The following SCART1 variants were observed in gnomAD, a reference collection of about 807,000 sequenced individuals.
SCART1 encodes scavenger receptor cysteine-rich domain-containing protein SCART1.
In SCART1, 62 loss-of-function variants were observed where a neutral mutation model predicts 36.2. That is an observed-to-expected ratio of 1.71 (90% CI 1.40 to 2.12). The LOEUF is 2.12. Among genes scored for constraint, SCART1 ranks in the 30% most tolerant of loss-of-function variants. The pLI is 0.00. For missense variants in SCART1, 1,041 were observed against 540.5 expected (o/e 1.93, Z -9.18); for synonymous variants, 487 against 238.7 (o/e 2.04, Z -9.59).
chr10:133,468,116 GCCCTGCCTGGCTCTAAACCTCATC>G, exon 12 of SCART1: 1 of 552,434 alleles, frequency 1.8e-6, no homozygotes, highest in Non-Finnish European at 3.3e-6. Context: ...GTCCTTCCAG[GCCCTGCCTGGCTCTAAACCTCATC>G]CCCTTCGAGG....
chr10:133,465,513 G>C (rs1850755269), exon 9 of SCART1: 2 of 523,414 alleles, frequency 3.8e-6, no homozygotes, highest in Admixed American at 8.1e-5. Context: ...CTGCGGAGCG[G>C]TGGGGACGCG....
At chr10:133,465,498 C>G (rs1278784204) in exon 9 of SCART1, 1 of 523,630 alleles carries the variant, frequency 1.9e-6, no homozygotes, top group Non-Finnish European at 3.3e-6. Context: ...CCCTGTGGGG[C>G]TGCCCTGCGG....
rs767937058 is a variant in SCART1 at position 133,465,249 on chromosome 10, A to C, written c.2345-2A>C. On this transcript the variant is annotated splice_acceptor_variant, in intron 8 of 11. Coordinates refer to ENST00000640237, the Ensembl canonical transcript of SCART1. LOFTEE classifies it high-confidence loss of function. ...CCGCAGTGACCGCAGCCCCTTTTGCAGAGGAGGGCGCACTGCGCGTGCGCG... is the reference window on the plus strand; with the variant it reads ...CCGCAGTGACCGCAGCCCCTTTTGCCGAGGAGGGCGCACTGCGCGTGCGCG... 2.2e-5 allele frequency: 15 copies of C among 696,822 alleles called. No homozygotes were observed. Among genetic ancestry groups the C allele is most frequent in the African/African-American group, 3.5e-5 (2 of 57,110 alleles). 43.2% of individuals were successfully genotyped at this position (696,822 alleles called of 1,614,324 possible).
exon 7 of SCART1, chr10:133,464,745 G>T (rs1453829240): frequency 5.6e-6 from 3 of 536,668 alleles, no homozygotes; most frequent in Non-Finnish European, 9.3e-6. Flanking sequence ...AGCAGCTGGG[G>T]TGTGGGGTGT....
chr10:133,457,302 C>G (rs1192882702), exon 3 of SCART1: 1 of 700,702 alleles, frequency 1.4e-6, no homozygotes, highest in Non-Finnish European at 2.6e-6. Context: ...GGAGCTCCGG[C>G]TGGTGAAGGG....
In SCART1 at chr10:133,457,697, A is replaced by G. The variant is rs1377153951; in HGVS notation, c.682+122A>G. Reference sequence around the variant, plus strand: ...TGGGCCCCCCTGTCCTGCATGAGACATTGGGCGCAGAGGTGGGAAAGGGCC... The same window carrying G: ...TGGGCCCCCCTGTCCTGCATGAGACGTTGGGCGCAGAGGTGGGAAAGGGCC... On this transcript the variant is annotated intron_variant, in intron 3 of 11. Transcript: ENST00000640237. The G allele has an allele frequency of 6.9e-6, 4 of 575,904 alleles. No individual in the cohort carries two copies. The African/African-American group carries it at 7.6e-5, about 11-fold the overall frequency. The allele number at this position is 575,904 out of a possible 1,614,324, so 35.7% of individuals were successfully genotyped here. A position where few individuals can be genotyped will look rare whatever the true frequency, so the allele number is the denominator to read the frequency against.
intron 8 of SCART1, 24 bp downstream of exon 8, chr10:133,465,198 T>C (rs1307257884): frequency 1.4e-6 from 1 of 702,726 alleles, no homozygotes; most frequent in African/African-American, 1.7e-5. Flanking sequence ...CTTGTCGCTG[T>C]CCTCCTTCCC....
exon 5 of SCART1, chr10:133,459,081 G>A: frequency 1.4e-6 from 1 of 702,276 alleles, no homozygotes; most frequent in Non-Finnish European, 2.6e-6. Context: ...CAGGTGCAGG[G>A]GTCCTGGGCA....
exon 4 of SCART1, chr10:133,458,564 G>A (rs1433019490): frequency 2.9e-5 from 20 of 685,748 alleles, no homozygotes; most frequent in Non-Finnish European, 4.7e-5. Flanking sequence ...GAGGCCTTCC[G>A]CTGTGCGGGC....
chr10:133,459,510 A>G (rs373621257), exon 6 of SCART1: 4 of 654,878 alleles, frequency 6.1e-6, no homozygotes, highest in Non-Finnish European at 1.1e-5. Context: ...CCTGCGACTG[A>G]GGGAAGGACA....
rs1471861377 is a variant in SCART1 at position 133,459,975 on chromosome 10, G to A, written c.1774G>A (p.Val592Met). ...TGCCTGGGACCTGCGGGACGCGCACGTGGTCTGCAGGCAGCTGGGCTGTGG... is the reference window on the plus strand; with the variant it reads ...TGCCTGGGACCTGCGGGACGCGCACATGGTCTGCAGGCAGCTGGGCTGTGG... The change falls in exon 6 of 12, where the codon GTG becomes ATG. Residue 592 changes from valine to methionine, a missense_variant. Transcript: ENST00000640237. The A allele has an allele frequency of 1.8e-5, 10 of 546,224 alleles. No individual in the cohort carries two copies. The South Asian group carries it at 2.4e-4, about 13-fold the overall frequency. 33.8% of individuals were successfully genotyped at this position (546,224 alleles called of 1,614,324 possible). A position where few individuals can be genotyped will look rare whatever the true frequency, so the allele number is the denominator to read the frequency against.
exon 9 of SCART1, chr10:133,465,497 G>A: frequency 7.6e-6 from 4 of 524,354 alleles, no homozygotes; most frequent in East Asian, 3.4e-5. Context: ...TCCCTGTGGG[G>A]CTGCCCTGCG....
chr10:133,464,936 C>T lies in SCART1; in HGVS notation c.2275+25C>T, dbSNP rs1297395341. Reference sequence around the variant, plus strand: ...GGTCTGGATTACCTGTGCAGGTGGGCATTAGAGGTCTCTGGGGGTGCCTGG... The same window carrying T: ...GGTCTGGATTACCTGTGCAGGTGGGTATTAGAGGTCTCTGGGGGTGCCTGG... On this transcript the variant is annotated intron_variant, in intron 7 of 11. Transcript: ENST00000640237. 8 of 702,802 alleles carry T rather than the reference C, an allele frequency of 1.1e-5. No individual in the cohort carries two copies. In the East Asian group the frequency reaches 2.1e-4, roughly 19 times the overall value. The allele number at this position is 702,802 out of a possible 1,614,324, so 43.5% of individuals were successfully genotyped here.
exon 9 of SCART1, chr10:133,465,299 G>T (rs1021940619): frequency 1.5e-6 from 1 of 684,414 alleles, no homozygotes; most frequent in East Asian, 2.7e-5. Flanking sequence ...TGCTCCGGGC[G>T]CGTGGAGCTC....
chr10:133,459,697 G>A (rs1003533675), exon 6 of SCART1: 21 of 700,098 alleles, frequency 3.0e-5, no homozygotes, highest in Non-Finnish European at 5.2e-5. Context: ...GTGGCGCTGA[G>A]CCGCGTGCGC....
exon 2 of SCART1, chr10:133,456,399 C>G (rs779879897): frequency 1.4e-6 from 1 of 702,878 alleles, no homozygotes; most frequent in Non-Finnish European, 2.6e-6. Context: ...GCCGTGGGCG[C>G]CCCCAAGTAT....
chr10:133,469,389 T>C (rs1850794189), downstream of SCART1, among the ~76,000 whole-genome samples: 1 of 152,178 alleles, frequency 6.6e-6, no homozygotes, highest in South Asian at 2.1e-4. Context: ...GTGGCACATA[T>C]ACACCATGGA....
exon 2 of SCART1, chr10:133,456,415 G>C (rs970035454): frequency 1.4e-6 from 1 of 702,872 alleles, no homozygotes; most frequent in East Asian, 2.7e-5. Context: ...AGTATGTCCC[G>C]CTGCCTGGAG....
In SCART1 at chr10:133,467,810, G is replaced by A. The variant is rs759920284; in HGVS notation, c.2963-37G>A. The A allele has an allele frequency of 1.0e-4, 65 of 635,864 alleles. 1 individual carries two copies. In the Middle Eastern group the frequency reaches 1.7e-3, roughly 17 times the overall value. 39.4% of individuals were successfully genotyped at this position (635,864 alleles called of 1,614,324 possible). The stretch of plus-strand genomic sequence containing the variant: ...AATGTGCTCTGGGGACAACTTGCAC[G>A]TGTGCTGATTTGGTCACGCGGTGTC... On this transcript the variant is annotated intron_variant, in intron 11 of 11. Transcript: ENST00000640237.
Sources: gnomAD v4.1 joint callset for allele counts (sites outside exome capture counted in the v4.1 genomes callset) on GRCh38, gnomAD v4.1.1 for gene constraint, MANE v1.5 for transcripts, NCBI Gene and HGNC (gene_info 2026-07-23, HGNC 2026-07-21) for gene names.